ZNF773: variants seen among roughly 807,000 people sequenced by gnomAD.
ZNF773 encodes the protein zinc finger protein 773, also known as zinc finger protein 419B.
Under a neutral mutation model 12.8 loss-of-function variants are expected in ZNF773, and 11 were observed. The observed-to-expected ratio is 0.86, with a 90% CI of 0.54 to 1.42. The LOEUF (loss-of-function observed/expected upper bound fraction) is 1.42, where lower values mean the gene tolerates loss of function less well. Ranked by LOEUF, ZNF773 falls within the 40% of genes most tolerant of loss-of-function variation. The probability of loss-of-function intolerance (pLI) is 0.00; values close to 1 mark genes in which losing one functional copy is unlikely to be tolerated. For missense variants in ZNF773, 518 were observed against 527.2 expected (o/e 0.98, Z 0.17); for synonymous variants, 175 against 178.4 (o/e 0.98, Z 0.15).
chr19:57,501,281 C>CTTT (rs11456589), intron 1 of ZNF773, among the ~76,000 whole-genome samples: 10 of 137,468 alleles, frequency 7.3e-5, no homozygotes, highest in African/African-American at 1.9e-4. Context: ...CTTTTTCTTT[C>CTTT]TTTTTTTTTT....
downstream of ZNF773, chr19:57,514,757 C>T (rs1372293714): frequency 6.6e-6 from 1 of 152,204 alleles, no homozygotes; most frequent in Non-Finnish European, 1.5e-5. Flanking sequence ...GGATTCCCAA[C>T]AACAGGCCAC....
chr19:57,510,085 C>T (rs772480217), downstream of ZNF773, among the ~76,000 whole-genome samples: 3 of 152,184 alleles, frequency 2.0e-5, no homozygotes, highest in Non-Finnish European at 4.4e-5. Context: ...TGGGTCTCTT[C>T]CAAGTATACT....
downstream of ZNF773, chr19:57,517,462 C>T (rs1376855873): frequency 1.3e-5 from 2 of 152,174 alleles, no homozygotes; most frequent in African/African-American, 4.8e-5. Context: ...CACTAATAAC[C>T]TCTGCTGTGT....
intron 1 of ZNF773, among the ~76,000 whole-genome samples, chr19:57,500,394 C>T (rs1464040638): frequency 2.0e-5 from 3 of 151,878 alleles, no homozygotes; most frequent in Non-Finnish European, 2.9e-5. Flanking sequence ...CGCTTTCATC[C>T]TGAGGGGGCC....
chr19:57,501,609 C>T (rs1289845180), intron 1 of ZNF773, among the ~76,000 whole-genome samples: 1 of 152,164 alleles, frequency 6.6e-6, no homozygotes, highest in African/African-American at 2.4e-5. Context: ...AGGTAAGAGG[C>T]ATCACTAAGA....
At chr19:57,501,281 CTTT>C (rs11456589) in intron 1 of ZNF773, among the ~76,000 whole-genome samples, 3 of 137,486 alleles carry the variant, frequency 2.2e-5, no homozygotes, top group Admixed American at 7.3e-5. Context: ...CTTTTTCTTT[CTTT>C]TTTTTTTTTT....
downstream of ZNF773, chr19:57,508,252 G>A (rs773560579): frequency 3.0e-5 from 36 of 1,191,984 alleles, no homozygotes; most frequent in South Asian, 1.1e-4. Context: ...GGCAGGATGA[G>A]AATTCCTGAT....
chr19:57,509,106 T>TTAA (rs2089776892), downstream of ZNF773, among the ~76,000 whole-genome samples: 1 of 152,250 alleles, frequency 6.6e-6, no homozygotes, highest in South Asian at 2.1e-4. Flanking sequence ...GGCCTTGTTT[T>TTAA]CAGTTCTTAA....
At chr19:57,510,550 C>T (rs183953878), downstream of ZNF773, among the ~76,000 whole-genome samples, 15 of 152,086 alleles carry the variant, frequency 9.9e-5, no homozygotes, top group South Asian at 1.7e-3. Flanking sequence ...AAAGGCAGAA[C>T]CCAAACTCTT....
At chr19:57,508,823 A>G (rs375524002), downstream of ZNF773, among the ~76,000 whole-genome samples, 72 of 149,072 alleles carry the variant, frequency 4.8e-4, no homozygotes, top group South Asian at 3.7e-3. Flanking sequence ...CGTCACACGT[A>G]TATCTTCGTT....
chr19:57,504,934 G>C, intron 2 of ZNF773, 148 bp downstream of exon 2: 1 of 1,253,542 alleles, frequency 8.0e-7, no homozygotes, highest in Non-Finnish European at 1.1e-6. Flanking sequence ...ATAGGCCTGG[G>C]CTGTGTATAC....
Position 57,500,023 on chromosome 19 carries a change from G to C in ZNF773, c.-58G>C. 1 of 1,532,854 alleles carries C rather than the reference G, an allele frequency of 6.5e-7. No homozygotes were observed. Among genetic ancestry groups the C allele is most frequent in the Non-Finnish European group, 8.8e-7 (1 of 1,140,122 alleles). The allele number at this position is 1,532,854 out of a possible 1,614,324, so 95.0% of individuals were successfully genotyped here. On this transcript the variant is annotated 5_prime_UTR_variant, in exon 1 of 4. Transcript: ENST00000282292. ...AGAGGCGGGTCTGAGGCTCGGTGGC[G>C]GCGCCCAGGGTGGCCCGGGCCCTTT...
Position 57,506,343 on chromosome 19 carries a change from TTTCTC to T in ZNF773, c.263-10_263-6del, listed in dbSNP as rs1408557684. On this transcript the variant is annotated splice_polypyrimidine_tract_variant and intron_variant, in intron 3 of 3. Coordinates refer to ENST00000282292, the MANE Select transcript of ZNF773 (RefSeq NM_198542.3). Reference sequence around the variant, plus strand: ...AAAGACTACATTTACTTCATCAACATTTCTCTTCTTTCAGGTAGTTGGCAAGGAGC... The same window carrying T: ...AAAGACTACATTTACTTCATCAACATTTCTTTCAGGTAGTTGGCAAGGAGC... The T allele has an allele frequency of 6.3e-7, 1 of 1,596,170 alleles. No individual in the cohort carries two copies.
At position 57,504,726 on chromosome 19, in the gene ZNF773, G is replaced by T. The variant is rs760290010; in HGVS notation, c.103G>T (p.Ala35Ser). Residue 35 changes from alanine (A) to serine (S), a missense_variant, in exon 2 of 4, where the codon GCT (alanine) becomes TCT (serine). Physicochemically the swap from Ala to Ser is moderately conservative, Grantham distance 99. Transcript: ENST00000282292. Reference protein sequence around the residue: ...SQEEWRLLDDAQRLLYRNVML... With the variant: ...SQEEWRLLDDSQRLLYRNVML... The stretch of plus-strand genomic sequence containing the variant: ...GGAGGAATGGAGATTGCTTGATGAC[G>T]CTCAGAGGCTCCTCTACCGCAATGT... 2 of 1,613,764 alleles carry T rather than the reference G, an allele frequency of 1.2e-6. No homozygotes were observed. The highest frequency in any genetic ancestry group is 2.2e-5 in the East Asian group (1 of 44,860).
At chr19:57,513,051 G>A (rs371815938), downstream of ZNF773, 98 of 1,557,094 alleles carry the variant, frequency 6.3e-5, no homozygotes, top group African/African-American at 8.7e-4. Flanking sequence ...AGTGGCGCCC[G>A]AACAGGGACG....
downstream of ZNF773, chr19:57,515,649 C>G (rs1040897598): frequency 4.6e-5 from 7 of 152,208 alleles, no homozygotes; most frequent in African/African-American, 1.7e-4. Context: ...ATGGGGGTCC[C>G]TACACAATGA....
At position 57,506,488 on chromosome 19, in the gene ZNF773, G is replaced by C; in HGVS notation, c.393G>C (p.Arg131Ser). 12 of 1,614,168 alleles carry C rather than the reference G, an allele frequency of 7.4e-6. No homozygotes were observed. Among genetic ancestry groups the C allele is most frequent in the Non-Finnish European group, 1.0e-5 (12 of 1,180,024 alleles). The change falls in exon 4 of 4, where the codon AGG (arginine) becomes AGC (serine). Residue 131 changes from arginine to serine, a missense_variant. Coordinates refer to ENST00000282292, the MANE Select transcript of ZNF773 (RefSeq NM_198542.3). ...AACCCTTAAAAAGACAAGAGGGCAG[G>C]GTCCCAGTTTTGAGGAGTTGCAGAG... Reference protein sequence around the residue: ...GEKPLKRQEGRVPVLRSCRVH... With the variant: ...GEKPLKRQEGSVPVLRSCRVH...
downstream of ZNF773, among the ~76,000 whole-genome samples, chr19:57,510,211 A>T (rs1281754134): frequency 6.6e-6 from 1 of 152,226 alleles, no homozygotes; most frequent in South Asian, 2.1e-4. Context: ...ATAAATCATA[A>T]CCTAGTGAGG....
Position 57,506,007 on chromosome 19 carries a change from C to A in ZNF773, c.263-351C>A, listed in dbSNP as rs150399633. On this transcript the variant is annotated intron_variant, in intron 3 of 3. Transcript: ENST00000282292. The stretch of plus-strand genomic sequence containing the variant: ...TACAGGCATGAGGCACCGCGCCCAT[C>A]CTGCAGTTGTTTTTTTCTGGACCTG... Among the ~76,000 whole-genome samples the A allele has an allele frequency of 1.0e-2, 1,521 of 152,306 alleles. 11 individuals are homozygous for A. The highest frequency in any genetic ancestry group is 0.031 in the Middle Eastern group (9 of 294).
Sources: allele counts gnomAD v4.1 joint callset (sites outside exome capture counted in the v4.1 genomes callset), GRCh38; gene constraint gnomAD v4.1.1; transcripts MANE v1.5; gene names NCBI Gene and HGNC (gene_info 2026-07-23, HGNC 2026-07-21).